Variants in SFMBT1 observed in about 807,000 individuals in gnomAD.
The protein encoded by SFMBT1 is Scm like with four mbt domains 1, also known as scm-like with four MBT domains protein 1.
SFMBT1 carries 32 observed loss-of-function variants against 108.7 expected under a neutral mutation model. The observed-to-expected ratio is 0.29, with a 90% confidence interval of 0.22 to 0.40. The LOEUF is 0.40. Among genes scored for constraint, SFMBT1 ranks in the 10% least tolerant of loss-of-function variants. SFMBT1 has a pLI of 1.00. For synonymous variants in SFMBT1, 348 were observed against 369.5 expected, an observed-to-expected ratio of 0.94 and a Z score of 0.67; for missense variants, 816 against 1,059.6, an observed-to-expected ratio of 0.77 and a Z score of 3.19.
chr3:52,937,651 C>T (rs1193320163), intron 4 of SFMBT1, among the ~76,000 whole-genome samples: 1 of 151,646 alleles, frequency 6.6e-6, no homozygotes, highest in African/African-American at 2.4e-5. Flanking sequence ...GGCACGATCT[C>T]AGCTCACGGC....
At position 53,023,916 on chromosome 3, in the gene SFMBT1, A is replaced by G. The variant is rs371971941; in HGVS notation, c.-131+21900T>C. ...ATGGGCCAGGGTAGGGAGCTATGCT[A>G]TGAAATACTCATTCATCCATTCATT... On this transcript the variant is annotated intron_variant, in intron 1 of 20. Coordinates refer to ENST00000394752, the MANE Select transcript of SFMBT1 (RefSeq NM_016329.4). Among the ~76,000 whole-genome samples the G allele has an allele frequency of 3.3e-5, 5 of 152,214 alleles. No homozygotes were observed. The South Asian group carries it at 8.3e-4, about 25-fold the overall frequency.
chr3:52,979,707 T>C (rs751800299), intron 1 of SFMBT1, among the ~76,000 whole-genome samples: 39 of 152,344 alleles, frequency 2.6e-4, no homozygotes, highest in South Asian at 8.3e-4. Flanking sequence ...TTATTCTACT[T>C]AAAGGAGGCT....
chr3:52,965,594 G>C (rs954735832), intron 2 of SFMBT1, among the ~76,000 whole-genome samples: 2 of 152,100 alleles, frequency 1.3e-5, no homozygotes, highest in African/African-American at 4.8e-5. Context: ...AAAGAAATGA[G>C]CTTTCAACCC....
At chr3:53,043,995 G>A (rs1700134310) in intron 1 of SFMBT1, among the ~76,000 whole-genome samples, 1 of 152,168 alleles carries the variant, frequency 6.6e-6, no homozygotes, top group Non-Finnish European at 1.5e-5. Context: ...GCCTGAAAAT[G>A]TTCCATATCT....
At chr3:53,014,594 A>T (rs1018048558) in intron 1 of SFMBT1, among the ~76,000 whole-genome samples, 1 of 152,250 alleles carries the variant, frequency 6.6e-6, no homozygotes, top group Admixed American at 6.5e-5. Context: ...CTGATAACAG[A>T]TCTTCATAAA....
In SFMBT1 at chr3:52,943,366, A is replaced by G. The variant is rs753459092; in HGVS notation, c.351T>C (p.Leu117=). ...GTATTTCATTACCTTCTGGGGCTTC[A>G]AGGGTCTTCTTATTCTGCTCACACC... ...IGWCEQNKKT[L]EAPEGIRDKV... is the part of the protein sequence containing the mutation. Residue 117 remains leucine, a synonymous_variant, in exon 4 of 21, where the codon CTT becomes CTC. Transcript: ENST00000394752. 3 of 1,614,180 alleles carry G rather than the reference A, an allele frequency of 1.9e-6. No individual in the cohort carries two copies. In the East Asian group the frequency reaches 6.7e-5, roughly 36 times the overall value.
intron 1 of SFMBT1, among the ~76,000 whole-genome samples, chr3:52,985,229 T>C (rs1030830161): frequency 1.3e-5 from 2 of 152,204 alleles, no homozygotes; most frequent in Non-Finnish European, 2.9e-5. Context: ...AAAAAGATTA[T>C]AGGAAAAGAC....
intron 13 of SFMBT1, among the ~76,000 whole-genome samples, chr3:52,917,204 G>C (rs1184370992): frequency 3.3e-5 from 5 of 152,098 alleles, no homozygotes; most frequent in African/African-American, 1.2e-4. Flanking sequence ...AGTTACAAAG[G>C]TTTAGGTAGT....
intron 2 of SFMBT1, among the ~76,000 whole-genome samples, chr3:52,963,016 T>C (rs1337372067): frequency 6.6e-6 from 1 of 151,664 alleles, no homozygotes; most frequent in Non-Finnish European, 1.5e-5. Flanking sequence ...ATTTTTGAGA[T>C]GGAGTTTCAC....
At chr3:52,982,931 T>C (rs1186805420) in intron 1 of SFMBT1, among the ~76,000 whole-genome samples, 1 of 152,164 alleles carries the variant, frequency 6.6e-6, no homozygotes, top group East Asian at 1.9e-4. Flanking sequence ...TTTGGATTAC[T>C]CAGGACTGCT....
Position 53,008,705 on chromosome 3 carries a change from A to T in SFMBT1, c.-131+37111T>A, listed in dbSNP as rs146031687. 6.8e-3 allele frequency among the ~76,000 whole-genome samples: 1,020 copies of T among 149,798 alleles called. 15 individuals are homozygous for T. The highest frequency in any genetic ancestry group is 0.023 in the African/African-American group (944 of 40,450). ...GAGTGCAGTGGCGCGATCTAAGCTC[A>T]CTGCAAGCTCCGCCTCCCAGGTTTA... On this transcript the variant is annotated intron_variant, in intron 1 of 20. Coordinates refer to ENST00000394752, the MANE Select transcript of SFMBT1 (RefSeq NM_016329.4).
intron 1 of SFMBT1, among the ~76,000 whole-genome samples, chr3:52,975,268 T>A (rs995192889): frequency 6.6e-6 from 1 of 152,216 alleles, no homozygotes; most frequent in African/African-American, 2.4e-5. Flanking sequence ...CAATGCACCA[T>A]ACATGGCCAT....
At chr3:52,935,588 C>CAT (rs1702981759) in intron 4 of SFMBT1, among the ~76,000 whole-genome samples, 1 of 152,060 alleles carries the variant, frequency 6.6e-6, no homozygotes, top group South Asian at 2.1e-4. Flanking sequence ...TAATTTCATC[C>CAT]ATATATATAT....
At chr3:52,909,360 G>C (rs533690590) in intron 17 of SFMBT1, among the ~76,000 whole-genome samples, 1 of 152,298 alleles carries the variant, frequency 6.6e-6, no homozygotes, top group Non-Finnish European at 1.5e-5. Flanking sequence ...TAAGTGCTGA[G>C]TCTGATACAA....
At chr3:53,020,827 C>A (rs1575443592) in intron 1 of SFMBT1, among the ~76,000 whole-genome samples, 1 of 152,108 alleles carries the variant, frequency 6.6e-6, no homozygotes, top group Non-Finnish European at 1.5e-5. Context: ...GAGGCTTAGG[C>A]GGGCGGATCA....
At chr3:53,017,869 T>C (rs1391049422) in intron 1 of SFMBT1, among the ~76,000 whole-genome samples, 2 of 152,230 alleles carry the variant, frequency 1.3e-5, no homozygotes, top group Admixed American at 6.5e-5. Flanking sequence ...CAAGTAACAA[T>C]AAACTGCTTT....
At chr3:52,914,021 T>C (rs1438748746) in intron 14 of SFMBT1, among the ~76,000 whole-genome samples, 1 of 152,212 alleles carries the variant, frequency 6.6e-6, no homozygotes. Context: ...TTGTTGAATA[T>C]TATTGAGAAT....
intron 3 of SFMBT1, among the ~76,000 whole-genome samples, chr3:52,945,797 C>A (rs1356303412): frequency 7.0e-6 from 1 of 143,522 alleles, no homozygotes; most frequent in East Asian, 2.0e-4. Context: ...GGCAACAGAG[C>A]GAGACTCCAT....
chr3:52,976,719 A>C (rs1490188103), intron 1 of SFMBT1, among the ~76,000 whole-genome samples: 2 of 152,240 alleles, frequency 1.3e-5, no homozygotes, highest in Non-Finnish European at 2.9e-5. Flanking sequence ...AGCAGACAAA[A>C]TATTAATAGC....
Sources: gnomAD v4.1 joint callset for allele counts (sites outside exome capture counted in the v4.1 genomes callset) on GRCh38, gnomAD v4.1.1 for gene constraint, MANE v1.5 for transcripts, NCBI Gene and HGNC (gene_info 2026-07-23, HGNC 2026-07-21) for gene names.